Variants in PDCD6 observed in about 807,000 individuals in gnomAD.
PDCD6 encodes the protein programmed cell death 6.
PDCD6 carries 12 observed loss-of-function variants against 28.3 expected under a neutral mutation model. That is an observed-to-expected ratio of 0.42 (90% CI 0.27 to 0.69). The LOEUF is 0.69. Among genes scored for constraint, PDCD6 ranks in the 30% least tolerant of loss-of-function variants. PDCD6 has a pLI of 0.22. For missense variants in PDCD6, 226 were observed against 269.9 expected, an observed-to-expected ratio of 0.84 and a Z score of 1.14; for synonymous variants, 92 against 108.0, an observed-to-expected ratio of 0.85 and a Z score of 0.92.
intron 2 of PDCD6, among the ~76,000 whole-genome samples, chr5:300,688 C>A (rs1206508621): frequency 1.3e-5 from 2 of 152,214 alleles, no homozygotes. Flanking sequence ...GGCCGTTAGG[C>A]CTTGTGGTGG....
chr5:297,123 C>T (rs1236958799), intron 2 of PDCD6, among the ~76,000 whole-genome samples: 1 of 152,026 alleles, frequency 6.6e-6, no homozygotes, highest in Non-Finnish European at 1.5e-5. Flanking sequence ...TGAATGAATC[C>T]CGATCCTGTT....
intron 2 of PDCD6, chr5:288,726 A>G: frequency 2.0e-6 from 1 of 507,556 alleles, no homozygotes; most frequent in Non-Finnish European, 3.4e-6. Flanking sequence ...TTGTTTTACA[A>G]CCTGCTTTTC....
chr5:302,395 C>T (rs13174350), intron 2 of PDCD6, among the ~76,000 whole-genome samples: 1 of 76,172 alleles, frequency 1.3e-5, no homozygotes, highest in African/African-American at 1.2e-4. Context: ...GAGTGCTGCT[C>T]TGTGTGTATG....
intron 5 of PDCD6, among the ~76,000 whole-genome samples, chr5:312,658 G>C (rs1381099686): frequency 6.6e-6 from 1 of 152,108 alleles, no homozygotes; most frequent in Non-Finnish European, 1.5e-5. Flanking sequence ...TTTCAAAAAA[G>C]TGTAGGCTGG....
At chr5:295,694 A>G (rs1739568698) in intron 2 of PDCD6, among the ~76,000 whole-genome samples, 1 of 146,238 alleles carries the variant, frequency 6.8e-6, no homozygotes, top group Admixed American at 7.0e-5. Context: ...CCTGGTGGTC[A>G]TGACCGCACT....
intron 2 of PDCD6, among the ~76,000 whole-genome samples, chr5:287,892 G>A (rs141627315): frequency 2.1e-3 from 325 of 152,288 alleles, no homozygotes; most frequent in African/African-American, 7.3e-3. Context: ...AGAAAAGCAA[G>A]CAAAAGTTCA....
chr5:275,605 A>G (rs1357334557), intron 2 of PDCD6, among the ~76,000 whole-genome samples: 5 of 152,158 alleles, frequency 3.3e-5, no homozygotes, highest in African/African-American at 1.2e-4. Context: ...TTCTCAACCA[A>G]TATGATTCAC....
Position 306,675 on chromosome 5 carries a change from C to G in PDCD6, c.282C>G (p.Asp94Glu), listed in dbSNP as rs1363410033. Residue 94 changes from aspartate to glutamate, a missense_variant, in exon 4 of 6, where the codon GAC becomes GAG. Asp to Glu is a conservative substitution (Grantham distance 45, BLOSUM62 2). Around this residue, in one of 3 missense-constraint regions of PDCD6, gnomAD observed 151 missense variants for 177.2 expected, o/e 0.85. Transcript: ENST00000264933. ...CGGGTGTGTGGAAGTACATCACGGACTGGCAGAACGTCTTCCGCACGTACG... is the reference window on the plus strand; with the variant it reads ...CGGGTGTGTGGAAGTACATCACGGAGTGGCAGAACGTCTTCCGCACGTACG... The part of the protein sequence containing the change: ...EFTGVWKYIT[D>E]WQNVFRTYDR... 1 of 1,614,016 alleles carries G rather than the reference C, an allele frequency of 6.2e-7. No individual in the cohort carries two copies. The highest frequency in any genetic ancestry group is 8.5e-7 in the Non-Finnish European group (1 of 1,179,980).
intron 2 of PDCD6, among the ~76,000 whole-genome samples, chr5:285,044 C>A (rs1266049845): frequency 6.6e-6 from 1 of 150,442 alleles, no homozygotes; most frequent in Non-Finnish European, 1.5e-5. Context: ...ACATCGGCTA[C>A]CCCCGAGTCT....
intron 2 of PDCD6, among the ~76,000 whole-genome samples, chr5:283,459 G>C (rs1372292762): frequency 2.0e-5 from 3 of 151,836 alleles, no homozygotes; most frequent in African/African-American, 4.8e-5. Flanking sequence ...CAGACCCAGA[G>C]AGGAGCTGAT....
At chr5:282,276 G>A (rs372360140) in intron 2 of PDCD6, among the ~76,000 whole-genome samples, 5 of 131,264 alleles carry the variant, frequency 3.8e-5, no homozygotes, top group African/African-American at 1.2e-4. Context: ...AAAAATCGGG[G>A]GGGGGGGAGC....
At chr5:274,739 C>T (rs1165288901) in intron 2 of PDCD6, among the ~76,000 whole-genome samples, 1 of 152,168 alleles carries the variant, frequency 6.6e-6, no homozygotes, top group Non-Finnish European at 1.5e-5. Flanking sequence ...GGGGAGACAC[C>T]TCCTGCTCTG....
At chr5:303,309 A>C (rs1326054027) in intron 2 of PDCD6, among the ~76,000 whole-genome samples, 2 of 151,890 alleles carry the variant, frequency 1.3e-5, no homozygotes, top group East Asian at 1.9e-4. Context: ...AAAAAAAAAA[A>C]AAACTGTGTG....
At chr5:290,039 T>G (rs879198594) in intron 2 of PDCD6, 7 of 1,591,372 alleles carry the variant, frequency 4.4e-6, no homozygotes, top group South Asian at 1.1e-5. Context: ...AAAGGGATAC[T>G]GTTAAATCCA....
At chr5:292,646 T>G (rs191727013) in intron 2 of PDCD6, among the ~76,000 whole-genome samples, 16 of 152,280 alleles carry the variant, frequency 1.1e-4, no homozygotes, top group Non-Finnish European at 2.2e-4. Flanking sequence ...TCCACCAGGA[T>G]AAATGTGCAG....
chr5:314,410 T>TC lies in PDCD6; in HGVS notation c.478-3dup. The TC allele has an allele frequency of 1.2e-6, 2 of 1,603,842 alleles. No homozygotes were observed. Among genetic ancestry groups the TC allele is most frequent in the South Asian group, 1.1e-5 (1 of 90,916 alleles). On this transcript the variant is annotated splice_polypyrimidine_tract_variant and splice_region_variant and intron_variant, in intron 5 of 5. Transcript: ENST00000264933. ...TATCGAGATTTAAATGCCTGTTTTC[T>TC]CCCCAGAGGTTGACGGATATATTCA...
chr5:301,126 T>C (rs1412954081), intron 2 of PDCD6, among the ~76,000 whole-genome samples: 2 of 152,240 alleles, frequency 1.3e-5, no homozygotes, highest in African/African-American at 2.4e-5. Flanking sequence ...CAGCCTTCAC[T>C]TGAGGACTTA....
intron 2 of PDCD6, among the ~76,000 whole-genome samples, chr5:292,597 C>A (rs1462840452): frequency 3.3e-5 from 5 of 152,196 alleles, no homozygotes; most frequent in Non-Finnish European, 5.9e-5. Flanking sequence ...TATACCTGTT[C>A]ATTCCGGTGA....
At chr5:306,805 C>A (rs1740525887) in intron 4 of PDCD6, 45 bp downstream of exon 4, 4 of 1,579,248 alleles carry the variant, frequency 2.5e-6, no homozygotes, top group South Asian at 1.1e-5. Flanking sequence ...CATTTTGGAA[C>A]CTTGGAGCCG....
Sources: gnomAD v4.1 joint callset for allele counts (sites outside exome capture counted in the v4.1 genomes callset) on GRCh38, gnomAD v4.1.1 for gene constraint, gnomAD v4.1.1 regional missense constraint, MANE v1.5 for transcripts, NCBI Gene and HGNC (gene_info 2026-07-23, HGNC 2026-07-21) for gene names.